Variants in NAALADL2 observed in about 807,000 individuals in gnomAD.
NAALADL2 encodes the protein inactive N-acetylated-alpha-linked acidic dipeptidase-like protein 2.
In NAALADL2, 76 loss-of-function variants were observed where a neutral mutation model predicts 87.2. The observed-to-expected ratio is 0.87, with a 90% CI of 0.72 to 1.05. NAALADL2 has a LOEUF of 1.05. Among genes scored for constraint, NAALADL2 ranks in the 50% least tolerant of loss-of-function variants. NAALADL2 has a pLI of 0.00. For missense variants in NAALADL2, 1,089 were observed against 945.8 expected, an observed-to-expected ratio of 1.15 and a Z score of -1.99; for synonymous variants, 354 against 331.0, an observed-to-expected ratio of 1.07 and a Z score of -0.75.
At chr3:174,562,690 A>T (rs888319659) in intron 2 of NAALADL2, among the ~76,000 whole-genome samples, 1 of 152,052 alleles carries the variant, frequency 6.6e-6, no homozygotes, top group Non-Finnish European at 1.5e-5. Flanking sequence ...GTCTACTGGA[A>T]CTACGCAAGG....
At chr3:175,316,390 T>C (rs2110350851) in intron 4 of NAALADL2, among the ~76,000 whole-genome samples, 1 of 152,236 alleles carries the variant, frequency 6.6e-6, no homozygotes, top group South Asian at 2.1e-4. Flanking sequence ...GGCTCATAGT[T>C]TCTGTACCCT....
chr3:175,142,490 G>T (rs74393280), intron 2 of NAALADL2, among the ~76,000 whole-genome samples: 3 of 151,894 alleles, frequency 2.0e-5, no homozygotes, highest in Admixed American at 2.0e-4. Flanking sequence ...ATGAGAAAAC[G>T]TAGTTACAAG....
intron 5 of NAALADL2, among the ~76,000 whole-genome samples, chr3:175,399,343 C>G (rs1770251832): frequency 6.6e-6 from 1 of 152,054 alleles, no homozygotes. Flanking sequence ...CTAGGAATAC[C>G]TAACTTTCCG....
At chr3:175,055,815 C>T (rs1242135286) in intron 1 of NAALADL2, among the ~76,000 whole-genome samples, 1 of 152,190 alleles carries the variant, frequency 6.6e-6, no homozygotes, top group East Asian at 1.9e-4. Context: ...CAAAGTATTT[C>T]CTTTATCCAC....
chr3:175,247,287 C>CACAT (rs3066299), intron 3 of NAALADL2, among the ~76,000 whole-genome samples: 76,832 of 151,176 alleles, frequency 0.51, 19,629 homozygotes, highest in East Asian at 0.67. Flanking sequence ...CACACACACA[C>CACAT]ATAAAACACA....
chr3:174,934,748 A>G (rs1194567357), intron 1 of NAALADL2, among the ~76,000 whole-genome samples: 4 of 152,186 alleles, frequency 2.6e-5, no homozygotes, highest in African/African-American at 9.7e-5. Context: ...AACAACAACA[A>G]CAAAACATGA....
At chr3:175,161,885 C>G (rs1158228467) in intron 2 of NAALADL2, among the ~76,000 whole-genome samples, 3 of 152,110 alleles carry the variant, frequency 2.0e-5, no homozygotes. Context: ...TAATAACTAA[C>G]AACTGAAGCA....
intron 3 of NAALADL2, among the ~76,000 whole-genome samples, chr3:174,745,969 T>C (rs952480157): frequency 4.6e-5 from 7 of 152,112 alleles, no homozygotes; most frequent in Admixed American, 1.3e-4. Flanking sequence ...CCACAACCAA[T>C]ATCATTCTGA....
intron 9 of NAALADL2, among the ~76,000 whole-genome samples, chr3:175,484,917 C>T (rs181736064): frequency 1.3e-5 from 2 of 152,214 alleles, no homozygotes; most frequent in African/African-American, 2.4e-5. Flanking sequence ...TGCCTGTGTA[C>T]ACTAGTTTTT....
chr3:175,037,599 A>G (rs1580139106), intron 1 of NAALADL2, among the ~76,000 whole-genome samples: 1 of 152,190 alleles, frequency 6.6e-6, no homozygotes, highest in East Asian at 1.9e-4. Context: ...TGATTTCCCT[A>G]TCTGGATTCC....
chr3:175,663,361 C>A (rs1424899867), intron 11 of NAALADL2, among the ~76,000 whole-genome samples: 1 of 151,692 alleles, frequency 6.6e-6, no homozygotes, highest in African/African-American at 2.4e-5. Context: ...TTGTAATAGT[C>A]TCTGACAAGC....
Position 174,828,167 on chromosome 3 carries a change from C to CAACACA in NAALADL2, c.-9+90422_-9+90423insACACAA, listed in dbSNP as rs1553866755. On this transcript the variant is annotated intron_variant, in intron 3 of 3. Coordinates refer to the NAALADL2 transcript ENST00000434257. ...AAGACCTTGTCTCTGAAACCAACCA[C>CAACACA]ACACAACACAACACAACACAACACA... Among the ~76,000 whole-genome samples, 509 of 151,686 alleles carry CAACACA rather than the reference C, an allele frequency of 3.4e-3. 4 individuals carry two copies. Among genetic ancestry groups the CAACACA allele is most frequent in the African/African-American group, 0.012 (486 of 41,270 alleles).
At chr3:174,952,645 A>G (rs537614841) in intron 1 of NAALADL2, among the ~76,000 whole-genome samples, 23 of 152,238 alleles carry the variant, frequency 1.5e-4, no homozygotes, top group Admixed American at 3.9e-4. Flanking sequence ...TAATGGGAAG[A>G]CACGTAAGGA....
intron 1 of NAALADL2, among the ~76,000 whole-genome samples, chr3:174,549,097 T>G (rs2108486571): frequency 6.6e-6 from 1 of 152,328 alleles, no homozygotes; most frequent in South Asian, 2.1e-4. Context: ...TGCTTTAGCC[T>G]GTCAAAGTGC....
chr3:174,744,002 A>G (rs1734009441), intron 3 of NAALADL2, among the ~76,000 whole-genome samples: 1 of 151,928 alleles, frequency 6.6e-6, no homozygotes, highest in South Asian at 2.1e-4. Context: ...TTCTTTGGTC[A>G]GAAGTTTATA....
intron 3 of NAALADL2, among the ~76,000 whole-genome samples, chr3:174,757,522 C>T (rs1391978669): frequency 6.6e-5 from 10 of 151,594 alleles, no homozygotes; most frequent in Non-Finnish European, 1.2e-4. Flanking sequence ...GTTGGAGTCT[C>T]GCTCTGTCGC....
chr3:174,915,752 A>C (rs952249965), intron 1 of NAALADL2, among the ~76,000 whole-genome samples: 3 of 152,170 alleles, frequency 2.0e-5, no homozygotes, highest in Non-Finnish European at 4.4e-5. Flanking sequence ...ATTGTATATT[A>C]AATACTATTC....
intron 11 of NAALADL2, among the ~76,000 whole-genome samples, chr3:175,640,992 A>C (rs566068578): frequency 6.6e-6 from 1 of 152,316 alleles, no homozygotes; most frequent in African/African-American, 2.4e-5. Flanking sequence ...CAAATGACTG[A>C]GAAGTCCTAT....
At chr3:175,495,073 C>CATATATAT (rs372953738) in intron 9 of NAALADL2, among the ~76,000 whole-genome samples, 48 of 126,174 alleles carry the variant, frequency 3.8e-4, no homozygotes, top group African/African-American at 1.2e-3. Context: ...TAAGCAATCC[C>CATATATAT]ATATATATAT....
Sources: allele counts gnomAD v4.1 joint callset (sites outside exome capture counted in the v4.1 genomes callset), GRCh38; gene constraint gnomAD v4.1.1; transcripts MANE v1.5; gene names NCBI Gene and HGNC (gene_info 2026-07-23, HGNC 2026-07-21).